Variants in SH3YL1 observed in about 807,000 individuals in gnomAD.
SH3YL1 encodes the protein SH3 and SYLF domain containing 1.
Under a neutral mutation model 45.8 loss-of-function variants are expected in SH3YL1, and 41 were observed. That is an observed-to-expected ratio of 0.89 (90% CI 0.70 to 1.16). The LOEUF is 1.16. Ranked by LOEUF, SH3YL1 falls within the 50% of genes most tolerant of loss-of-function variation. The pLI, the probability that SH3YL1 is intolerant of heterozygous loss-of-function variation, is 0.00. For missense variants in SH3YL1, 389 were observed against 409.6 expected, an observed-to-expected ratio of 0.95 and a Z score of 0.43; for synonymous variants, 152 against 151.4, an observed-to-expected ratio of 1.00 and a Z score of -0.03.
At chr2:260,683 T>C (rs1272778924) in intron 1 of SH3YL1, 1 of 152,260 alleles carries the variant, frequency 6.6e-6, no homozygotes, top group Admixed American at 6.5e-5. Context: ...CTTCGTCAAA[T>C]GGACCAGCAA....
At chr2:244,158 T>C (rs1668672568) in intron 4 of SH3YL1, among the ~76,000 whole-genome samples, 1 of 151,640 alleles carries the variant, frequency 6.6e-6, no homozygotes, top group Non-Finnish European at 1.5e-5. Context: ...CCACCTTCCA[T>C]GGCTATGAAA....
At chr2:237,504 G>A (rs1475284664) in intron 4 of SH3YL1, among the ~76,000 whole-genome samples, 1 of 151,978 alleles carries the variant, frequency 6.6e-6, no homozygotes, top group Non-Finnish European at 1.5e-5. Context: ...AACACATTGG[G>A]ACGGCACTCT....
Position 253,106 on chromosome 2 carries a change from G to C in SH3YL1, c.11C>G (p.Pro4Arg). MNN[P>R]IPSNLKSEAK... ...TTCTGATTTCAAATTGGAAGGTATA[G>C]GGTTATTCACTGAAACATAACAAAA... Residue 4 changes from proline to arginine, a missense_variant, in exon 2 of 10, where the codon CCT becomes CGT. Transcript: ENST00000356150. The C allele has an allele frequency of 6.6e-7, 1 of 1,514,586 alleles. No individual in the cohort carries two copies. Among genetic ancestry groups the C allele is most frequent in the Admixed American group, 2.0e-5 (1 of 48,968 alleles). 93.8% of individuals were successfully genotyped at this position (1,514,586 alleles called of 1,614,324 possible).
At chr2:239,267 T>C (rs778343272) in intron 4 of SH3YL1, among the ~76,000 whole-genome samples, 1 of 152,212 alleles carries the variant, frequency 6.6e-6, no homozygotes, top group Non-Finnish European at 1.5e-5. Flanking sequence ...AAGGCATCCA[T>C]TGCAACTAAT....
At chr2:232,459 A>C (rs1553292093) in intron 6 of SH3YL1, among the ~76,000 whole-genome samples, 1 of 149,682 alleles carries the variant, frequency 6.7e-6, no homozygotes. Flanking sequence ...TTTTTTTAAT[A>C]TACTTTAAGT....
upstream of SH3YL1, chr2:264,040 C>CG (rs1053369662): frequency 2.2e-6 from 3 of 1,374,762 alleles, no homozygotes; most frequent in African/African-American, 4.6e-5. Context: ...GAGGAAGGCG[C>CG]GCTGCCCCGC....
intron 4 of SH3YL1, among the ~76,000 whole-genome samples, chr2:243,981 A>G (rs893403586): frequency 2.0e-5 from 3 of 151,876 alleles, no homozygotes; most frequent in South Asian, 2.1e-4. Flanking sequence ...TTTTTTCCCT[A>G]TTGAGGGATG....
intron 9 of SH3YL1, among the ~76,000 whole-genome samples, chr2:223,230 C>A (rs1667651215): frequency 6.6e-6 from 1 of 152,146 alleles, no homozygotes; most frequent in African/African-American, 2.4e-5. Context: ...GTCTCCACAG[C>A]CCACTTAGAG....
chr2:242,756 A>C (rs778240114), intron 4 of SH3YL1: 10 of 1,495,256 alleles, frequency 6.7e-6, no homozygotes, highest in Non-Finnish European at 8.9e-6. Context: ...ACAACATCCA[A>C]TTATATGCTC....
At chr2:242,369 G>C (rs961798529) in intron 4 of SH3YL1, among the ~76,000 whole-genome samples, 1 of 151,728 alleles carries the variant, frequency 6.6e-6, no homozygotes, top group African/African-American at 2.4e-5. Flanking sequence ...ATGTATAACA[G>C]TAATAGCACA....
chr2:253,791 C>G (rs1669185316), intron 1 of SH3YL1, among the ~76,000 whole-genome samples: 1 of 152,074 alleles, frequency 6.6e-6, no homozygotes, highest in Admixed American at 6.5e-5. Flanking sequence ...GTCCAAGAAC[C>G]CTTTCTTGGG....
chr2:224,898 G>C lies in SH3YL1; in HGVS notation c.804C>G (p.Leu268=), dbSNP rs762075865. Residue 268 remains leucine (L), a synonymous_variant, in exon 9 of 10, where the codon CTC becomes CTG. Coordinates refer to ENST00000356150, the MANE Select transcript of SH3YL1 (RefSeq NM_015677.4). ...CATGATAGCTGGAAAGTCCAGGATA[G>C]AGCTTATATTCATTTCTGTTACCTG... ...GSQSNRNEYK[L]YPGLSSYHER... The C allele has an allele frequency of 1.9e-6, 3 of 1,611,266 alleles. No homozygotes were observed. Among genetic ancestry groups the C allele is most frequent in the Admixed American group, 1.7e-5 (1 of 60,014 alleles).
At chr2:264,226 A>G (rs1439207817), upstream of SH3YL1, 2 of 506,422 alleles carry the variant, frequency 3.9e-6, no homozygotes, top group Non-Finnish European at 6.6e-6. Flanking sequence ...CGAAAAGCCC[A>G]GAGCCCCGCG....
chr2:264,393 G>A (rs902811754), upstream of SH3YL1: 40 of 208,628 alleles, frequency 1.9e-4, no homozygotes, highest in South Asian at 4.0e-4. Context: ...ACCACAGCCC[G>A]CCACGTGCGC....
At chr2:228,178 T>G (rs1667867525) in intron 8 of SH3YL1, among the ~76,000 whole-genome samples, 1 of 152,148 alleles carries the variant, frequency 6.6e-6, no homozygotes, top group Non-Finnish European at 1.5e-5. Flanking sequence ...AGGCTGAGGC[T>G]GCAGAAATGT....
At chr2:233,539 C>T (rs1044443382) in intron 5 of SH3YL1, among the ~76,000 whole-genome samples, 2 of 152,166 alleles carry the variant, frequency 1.3e-5, no homozygotes, top group African/African-American at 4.8e-5. Context: ...ATTTTCCAAC[C>T]GGATCTTCCT....
intron 8 of SH3YL1, among the ~76,000 whole-genome samples, chr2:227,299 T>C (rs1377085524): frequency 6.6e-6 from 1 of 152,130 alleles, no homozygotes; most frequent in African/African-American, 2.4e-5. Context: ...TTTGACCTAT[T>C]ATGTCCACTC....
intron 8 of SH3YL1, 158 bp downstream of exon 8, chr2:229,808 C>A: frequency 1.2e-5 from 5 of 409,670 alleles, no homozygotes; most frequent in Non-Finnish European, 1.8e-5. Flanking sequence ...GACAATTTGT[C>A]TCATGTATTT....
At chr2:249,646 C>T in intron 3 of SH3YL1, 85 bp downstream of exon 3, 4 of 986,930 alleles carry the variant, frequency 4.1e-6, no homozygotes, top group Non-Finnish European at 6.2e-6. Flanking sequence ...GAAACCTGTC[C>T]TACTCGCTAT....
Sources: gnomAD v4.1 joint callset for allele counts (sites outside exome capture counted in the v4.1 genomes callset) on GRCh38, gnomAD v4.1.1 for gene constraint, MANE v1.5 for transcripts, NCBI Gene and HGNC (gene_info 2026-07-23, HGNC 2026-07-21) for gene names.